Variants in ARHGAP24 observed in about 807,000 individuals in gnomAD.
ARHGAP24 encodes the protein rho GTPase-activating protein 24.
A neutral mutation model predicts 76.4 loss-of-function variants in ARHGAP24; 50 were observed. The ratio of observed to expected loss-of-function variants is 0.65; its 90% CI spans 0.52 to 0.83. The LOEUF (loss-of-function observed/expected upper bound fraction) is 0.83. Ranked by LOEUF, ARHGAP24 falls within the 40% of genes least tolerant of loss-of-function variation. ARHGAP24 has a pLI of 0.00. For synonymous variants in ARHGAP24, 345 were observed against 323.3 expected, an observed-to-expected ratio of 1.07 and a Z score of -0.72; for missense variants, 930 against 914.2, an observed-to-expected ratio of 1.02 and a Z score of -0.22.
In ARHGAP24 at chr4:85,669,644, AATATATATATATATATAT is replaced by A. The variant is rs58332235; in HGVS notation, c.181-52210_181-52193del. ...AGACTGCATTGACCCTGTACTTTCAAATATATATATATATATATATATATATATATATATATATATATA... is the reference window on the plus strand; with the variant it reads ...AGACTGCATTGACCCTGTACTTTCAAATATATATATATATATATATATATA... On this transcript the variant is annotated intron_variant, in intron 2 of 9. Transcript: ENST00000395184. Among the ~76,000 whole-genome samples, 501 of 93,242 alleles carry A rather than the reference AATATATATATATATATAT, an allele frequency of 5.4e-3. 9 individuals are homozygous for A. The highest frequency in any genetic ancestry group is 0.017 in the African/African-American group (373 of 22,442). The allele number at this position is 93,242 out of a possible 152,430, so 61.2% of individuals were successfully genotyped here.
At chr4:85,585,743 A>C (rs746579244) in intron 2 of ARHGAP24, among the ~76,000 whole-genome samples, 16 of 152,210 alleles carry the variant, frequency 1.1e-4, no homozygotes, top group Non-Finnish European at 1.9e-4. Flanking sequence ...GAGCTTTTTC[A>C]CTAGTCACTG....
chr4:85,952,821 A>C (rs1173908639), intron 5 of ARHGAP24, among the ~76,000 whole-genome samples: 1 of 152,194 alleles, frequency 6.6e-6, no homozygotes, highest in African/African-American at 2.4e-5. Flanking sequence ...AACTGTAAAA[A>C]CAAACAAACA....
chr4:85,929,590 T>C (rs1007090095), intron 4 of ARHGAP24, among the ~76,000 whole-genome samples: 1 of 152,182 alleles, frequency 6.6e-6, no homozygotes, highest in African/African-American at 2.4e-5. Flanking sequence ...TGGAAGAATG[T>C]TGAAAACAGA....
chr4:85,995,298 G>A lies in ARHGAP24; in HGVS notation c.1644G>A (p.Gln548=), dbSNP rs1428421696. The change falls in exon 9 of 10, where the codon CAG becomes CAA. Residue 548 remains glutamine, a synonymous_variant. Coordinates refer to ENST00000395184, the MANE Select transcript of ARHGAP24 (RefSeq NM_001025616.3). ...CCATGATGAACCTTGATGACAAGCA[G>A]AGCATTGACAGTGCTACCTGGTCCA... is the stretch of plus-strand genomic sequence containing the variant. ...QFSMMNLDDK[Q]SIDSATWSTS... is the part of the protein sequence containing the mutation. 1 of 1,614,050 alleles carries A rather than the reference G, an allele frequency of 6.2e-7. No homozygotes were observed. The highest frequency in any genetic ancestry group is 1.7e-5 in the Admixed American group (1 of 59,994).
intron 2 of ARHGAP24, among the ~76,000 whole-genome samples, chr4:85,636,731 A>G (rs1392871791): frequency 6.6e-6 from 1 of 152,042 alleles, no homozygotes; most frequent in Non-Finnish European, 1.5e-5. Flanking sequence ...ACCCATTGCA[A>G]GTCTGAATTT....
intron 3 of ARHGAP24, among the ~76,000 whole-genome samples, chr4:85,793,831 ATTAT>A (rs1328973902): frequency 6.6e-6 from 1 of 152,170 alleles, no homozygotes; most frequent in African/African-American, 2.4e-5. Context: ...CTTCTTTTTG[ATTAT>A]TTGTGATTCA....
intron 2 of ARHGAP24, chr4:85,686,722 A>C (rs544999937): frequency 6.6e-6 from 1 of 152,302 alleles, no homozygotes; most frequent in Admixed American, 6.5e-5. Flanking sequence ...ATACAAATAC[A>C]CTTGTGAAAT....
intron 1 of ARHGAP24, among the ~76,000 whole-genome samples, chr4:85,551,287 G>A (rs1039655899): frequency 3.9e-5 from 6 of 152,086 alleles, no homozygotes; most frequent in East Asian, 1.9e-4. Flanking sequence ...TGAGATAATC[G>A]TGTGGCTTTT....
intron 2 of ARHGAP24, among the ~76,000 whole-genome samples, chr4:85,631,579 A>C (rs1433432263): frequency 6.6e-6 from 1 of 152,166 alleles, no homozygotes; most frequent in African/African-American, 2.4e-5. Context: ...AAAATTATAC[A>C]ACCGTAATCC....
intron 1 of ARHGAP24, among the ~76,000 whole-genome samples, chr4:85,532,938 A>T (rs1446424546): frequency 1.3e-5 from 2 of 152,198 alleles, no homozygotes; most frequent in Non-Finnish European, 2.9e-5. Flanking sequence ...AATTCTGTCA[A>T]CAAACTGTGC....
intron 2 of ARHGAP24, among the ~76,000 whole-genome samples, chr4:85,584,822 T>TC (rs1235988228): frequency 6.6e-6 from 1 of 152,116 alleles, no homozygotes; most frequent in Non-Finnish European, 1.5e-5. Context: ...GCTTGTCATA[T>TC]CCCTGCTGAA....
intron 2 of ARHGAP24, among the ~76,000 whole-genome samples, chr4:85,670,957 G>C (rs546261405): frequency 6.6e-6 from 1 of 152,278 alleles, no homozygotes; most frequent in Admixed American, 6.5e-5. Flanking sequence ...CTCTGGGATT[G>C]GGGCCCAAGT....
intron 3 of ARHGAP24, among the ~76,000 whole-genome samples, chr4:85,739,057 AAAG>A (rs1725716105): frequency 2.0e-5 from 3 of 152,232 alleles, no homozygotes; most frequent in African/African-American, 7.2e-5. Flanking sequence ...CTTGAAAATA[AAAG>A]AAGCATTTAG....
intron 1 of ARHGAP24, among the ~76,000 whole-genome samples, chr4:85,548,780 C>T (rs1330108824): frequency 2.6e-5 from 4 of 152,178 alleles, no homozygotes; most frequent in Non-Finnish European, 5.9e-5. Context: ...AGATGTAAGA[C>T]ATTTCCATCA....
chr4:85,667,492 T>C (rs1247812662), intron 2 of ARHGAP24, among the ~76,000 whole-genome samples: 1 of 152,148 alleles, frequency 6.6e-6, no homozygotes, highest in East Asian at 1.9e-4. Flanking sequence ...TCACACACAA[T>C]GCACTGCACC....
At chr4:85,663,044 A>G (rs1722467464) in intron 2 of ARHGAP24, among the ~76,000 whole-genome samples, 2 of 151,956 alleles carry the variant, frequency 1.3e-5, no homozygotes, top group African/African-American at 2.4e-5. Flanking sequence ...GTTTTTTCCA[A>G]TTCTCTAAAG....
chr4:85,597,133 T>C (rs921215361), intron 2 of ARHGAP24, among the ~76,000 whole-genome samples: 1 of 152,134 alleles, frequency 6.6e-6, no homozygotes, highest in Non-Finnish European at 1.5e-5. Flanking sequence ...AGACATGTGT[T>C]ACTTTCATGA....
rs139414836 is a variant in ARHGAP24 at position 85,816,167 on chromosome 4, A to G, written c.268+94195A>G. ...ACACAGAGCCGAACCATATCAGAAC[A>G]TTTAAGATCTACTTTCTTAGCACAC... On this transcript the variant is annotated intron_variant, in intron 3 of 9. Coordinates refer to ENST00000395184, the MANE Select transcript of ARHGAP24 (RefSeq NM_001025616.3). Among the ~76,000 whole-genome samples, 28 of 152,300 alleles carry G rather than the reference A, an allele frequency of 1.8e-4. No homozygotes were observed. The East Asian group carries it at 5.4e-3, about 29-fold the overall frequency.
chr4:85,845,326 A>T (rs1269851261), intron 3 of ARHGAP24, among the ~76,000 whole-genome samples: 1 of 152,174 alleles, frequency 6.6e-6, no homozygotes, highest in Non-Finnish European at 1.5e-5. Flanking sequence ...CTTTACTTAC[A>T]ATAGTCCTAG....
Sources: allele counts gnomAD v4.1 joint callset (sites outside exome capture counted in the v4.1 genomes callset), GRCh38; gene constraint gnomAD v4.1.1; transcripts MANE v1.5; gene names NCBI Gene and HGNC (gene_info 2026-07-23, HGNC 2026-07-21).